The following DLGAP2 variants were observed in gnomAD, a reference collection of about 807,000 sequenced individuals.
The protein encoded by DLGAP2 is DLG associated protein 2, also known as disks large-associated protein 2.
In DLGAP2, 26 loss-of-function variants were observed where a neutral mutation model predicts 100.3. That is an observed-to-expected ratio of 0.26 (90% CI 0.19 to 0.36). The LOEUF is 0.36. Ranked by LOEUF, DLGAP2 falls within the 10% of genes least tolerant of loss-of-function variation. The pLI is 1.00. For missense variants in DLGAP2, 1,858 were observed against 1,453.2 expected, an observed-to-expected ratio of 1.28 and a Z score of -4.53; for synonymous variants, 886 against 630.1, an observed-to-expected ratio of 1.41 and a Z score of -6.08.
At chr8:1,601,945 GGTGTGTGT>G (rs55762722) in intron 6 of DLGAP2, among the ~76,000 whole-genome samples, 18 of 146,454 alleles carry the variant, frequency 1.2e-4, no homozygotes, top group South Asian at 4.4e-4. Context: ...AATTTAACAG[GGTGTGTGT>G]GTGTGTGTGT....
chr8:1,547,331 A>G (rs1177658844), intron 4 of DLGAP2, among the ~76,000 whole-genome samples: 1 of 152,092 alleles, frequency 6.6e-6, no homozygotes, highest in Non-Finnish European at 1.5e-5. Flanking sequence ...CAGGCTGAGA[A>G]GAACAGGGCT....
chr8:919,409 C>T (rs951777925), intron 2 of DLGAP2, among the ~76,000 whole-genome samples: 6 of 152,240 alleles, frequency 3.9e-5, no homozygotes, highest in East Asian at 1.9e-4. Flanking sequence ...TTTTGGGCAG[C>T]GTGAGTGGGG....
intron 2 of DLGAP2, among the ~76,000 whole-genome samples, chr8:1,172,310 C>G (rs1379680943): frequency 6.6e-6 from 1 of 152,130 alleles, no homozygotes; most frequent in Non-Finnish European, 1.5e-5. Context: ...TCTGGCTCTC[C>G]TTAACATTTT....
At chr8:1,317,870 A>C (rs539624953) in intron 3 of DLGAP2, among the ~76,000 whole-genome samples, 1 of 144,170 alleles carries the variant, frequency 6.9e-6, no homozygotes, top group Non-Finnish European at 1.5e-5. Flanking sequence ...GCTTTTAAAA[A>C]TAGAGCGTGT....
intron 2 of DLGAP2, among the ~76,000 whole-genome samples, chr8:994,185 A>G (rs1023672537): frequency 3.9e-5 from 6 of 152,050 alleles, no homozygotes; most frequent in Admixed American, 6.6e-5. Flanking sequence ...TGACCTAAAC[A>G]TCCTTATGGT....
intron 3 of DLGAP2, among the ~76,000 whole-genome samples, chr8:1,451,536 C>T (rs145778520): frequency 6.6e-6 from 1 of 152,188 alleles, no homozygotes; most frequent in East Asian, 1.9e-4. Context: ...CGCCTTAATC[C>T]TTCCCCACCT....
At chr8:754,182 T>G (rs1820861997) in intron 1 of DLGAP2, 1 of 152,292 alleles carries the variant, frequency 6.6e-6, no homozygotes, top group African/African-American at 2.4e-5. Context: ...CAGCCACACC[T>G]GACAACCTTT....
rs193043005 is a variant in DLGAP2 at position 1,305,386 on chromosome 8, T to A, written c.106+46503T>A. On this transcript the variant is annotated intron_variant, in intron 3 of 14. Coordinates refer to ENST00000637795, the MANE Select transcript of DLGAP2 (RefSeq NM_001346810.2). ...TTGTTTGGTTTAGATAATTCGTGTG[T>A]TTATTTTACATTTGGCTTAAAAGAA... Among the ~76,000 whole-genome samples, 6 of 152,342 alleles carry A rather than the reference T, an allele frequency of 3.9e-5. No homozygotes were observed. In the East Asian group the frequency reaches 1.2e-3, roughly 29 times the overall value.
chr8:1,492,985 G>A (rs1202693864), intron 3 of DLGAP2, among the ~76,000 whole-genome samples: 1 of 152,166 alleles, frequency 6.6e-6, no homozygotes, highest in Non-Finnish European at 1.5e-5. Flanking sequence ...ATTCCTTGGG[G>A]AGGATGGAAA....
chr8:831,127 A>C (rs1421781911), intron 1 of DLGAP2, among the ~76,000 whole-genome samples: 1 of 151,490 alleles, frequency 6.6e-6, no homozygotes, highest in Non-Finnish European at 1.5e-5. Context: ...TGAACTCCTG[A>C]CATCAGGTGA....
intron 3 of DLGAP2, among the ~76,000 whole-genome samples, chr8:1,466,541 G>C (rs1798632371): frequency 6.9e-6 from 1 of 145,570 alleles, no homozygotes; most frequent in African/African-American, 2.4e-5. Flanking sequence ...GTGTGTGTGT[G>C]TGTATGTGTG....
intron 1 of DLGAP2, among the ~76,000 whole-genome samples, chr8:775,414 C>T (rs1231552829): frequency 1.4e-5 from 2 of 146,254 alleles, no homozygotes; most frequent in African/African-American, 5.1e-5. Flanking sequence ...GAGAGGGCAT[C>T]CCTGTCTTGT....
At chr8:1,419,601 G>A (rs1797035662) in intron 3 of DLGAP2, among the ~76,000 whole-genome samples, 1 of 152,132 alleles carries the variant, frequency 6.6e-6, no homozygotes, top group Non-Finnish European at 1.5e-5. Context: ...ATGAACACAT[G>A]CTCCAGTATC....
At chr8:1,573,078 A>G (rs796117799) in intron 6 of DLGAP2, among the ~76,000 whole-genome samples, 123 of 59,510 alleles carry the variant, frequency 2.1e-3, no homozygotes, top group Middle Eastern at 0.017. Context: ...CTGTGGGGGC[A>G]TCTGATGAGA....
chr8:1,382,553 C>G (rs192255373), intron 3 of DLGAP2, among the ~76,000 whole-genome samples: 30 of 152,270 alleles, frequency 2.0e-4, no homozygotes, highest in African/African-American at 6.5e-4. Flanking sequence ...CTGGGCAACA[C>G]AGTGAGACCC....
At chr8:1,259,472 G>C (rs897737193) in intron 3 of DLGAP2, 1 of 152,252 alleles carries the variant, frequency 6.6e-6, no homozygotes, top group Non-Finnish European at 1.5e-5. Flanking sequence ...TAATTAGAAA[G>C]AATAAGGACA....
chr8:1,449,627 T>G (rs1798081925), intron 3 of DLGAP2, among the ~76,000 whole-genome samples: 1 of 152,140 alleles, frequency 6.6e-6, no homozygotes, highest in Admixed American at 6.5e-5. Flanking sequence ...CGGGCAATGC[T>G]GAGGCTGAGG....
intron 2 of DLGAP2, among the ~76,000 whole-genome samples, chr8:1,048,539 A>G (rs1257118756): frequency 6.6e-6 from 1 of 151,622 alleles, no homozygotes; most frequent in African/African-American, 2.4e-5. Context: ...GTGCAAGACA[A>G]TGTCCCGTCT....
At chr8:1,089,544 C>T (rs1804102230) in intron 2 of DLGAP2, among the ~76,000 whole-genome samples, 1 of 152,230 alleles carries the variant, frequency 6.6e-6, no homozygotes, top group Non-Finnish European at 1.5e-5. Flanking sequence ...GAGACTGGCA[C>T]CCTCCCTCCT....
Sources: gnomAD v4.1 joint callset for allele counts (sites outside exome capture counted in the v4.1 genomes callset) on GRCh38, gnomAD v4.1.1 for gene constraint, MANE v1.5 for transcripts, NCBI Gene and HGNC (gene_info 2026-07-23, HGNC 2026-07-21) for gene names.